The following PTPRM variants were observed in gnomAD, a reference collection of about 807,000 sequenced individuals.
PTPRM encodes protein tyrosine phosphatase receptor type M.
A neutral mutation model predicts 186.7 loss-of-function variants in PTPRM; 47 were observed. The ratio of observed to expected loss-of-function variants is 0.25; its 90% CI spans 0.20 to 0.32. PTPRM has a LOEUF of 0.32. Ranked by LOEUF, PTPRM falls within the 10% of genes least tolerant of loss-of-function variation. PTPRM has a pLI of 1.00. For missense variants in PTPRM, 1,494 were observed against 1,865.0 expected (o/e 0.80, Z 3.66); for synonymous variants, 668 against 674.9 (o/e 0.99, Z 0.16).
At chr18:8,026,857 CAA>C (rs912911483) in intron 7 of PTPRM, among the ~76,000 whole-genome samples, 1 of 137,330 alleles carries the variant, frequency 7.3e-6, no homozygotes, top group African/African-American at 2.7e-5. Flanking sequence ...AACTCCATCT[CAA>C]AAAAAAAAAA....
At chr18:7,994,917 AG>A (rs1288592199) in intron 7 of PTPRM, among the ~76,000 whole-genome samples, 1 of 152,114 alleles carries the variant, frequency 6.6e-6, no homozygotes, top group Non-Finnish European at 1.5e-5. Context: ...AACCAAGAAA[AG>A]CAAGAACAAA....
chr18:7,982,775 G>T (rs979521815), intron 7 of PTPRM, among the ~76,000 whole-genome samples: 7 of 152,204 alleles, frequency 4.6e-5, no homozygotes, highest in African/African-American at 1.7e-4. Flanking sequence ...GCGGCTGGAA[G>T]TTTTCAGCTC....
intron 4 of PTPRM, among the ~76,000 whole-genome samples, chr18:7,914,138 G>A (rs889381713): frequency 2.6e-5 from 4 of 151,958 alleles, no homozygotes; most frequent in African/African-American, 4.8e-5. Flanking sequence ...AATTGTTTTC[G>A]GAATTATGTT....
rs567592235 is a variant in PTPRM, at chr18:8,075,921, T to G, written c.1442-534T>G. ...TCTTTTCAGTATTTTATAACATAAC[T>G]TACTAAACCATTTGACTTGTTTCTC... On this transcript the variant is annotated intron_variant, in intron 8 of 32. Transcript: ENST00000580170. Among the ~76,000 whole-genome samples the G allele has an allele frequency of 5.3e-5, 8 of 152,300 alleles. No individual in the cohort carries two copies. The South Asian group carries it at 1.7e-3, about 32-fold the overall frequency.
intron 15 of PTPRM, among the ~76,000 whole-genome samples, chr18:8,246,106 G>A (rs749104459): frequency 2.0e-5 from 3 of 152,252 alleles, no homozygotes; most frequent in South Asian, 2.1e-4. Context: ...TGATAGGAGC[G>A]ACCCTAGAGG....
chr18:8,125,937 C>T (rs1245714956), intron 13 of PTPRM, among the ~76,000 whole-genome samples: 4 of 137,528 alleles, frequency 2.9e-5, no homozygotes, highest in Non-Finnish European at 6.2e-5. Flanking sequence ...ACCCAGCCAA[C>T]CCTGACATGC....
intron 2 of PTPRM, among the ~76,000 whole-genome samples, chr18:7,863,037 G>A (rs1408184235): frequency 1.3e-5 from 2 of 152,110 alleles, no homozygotes. Flanking sequence ...GTAGAGAAAA[G>A]CTGGGAATAA....
chr18:7,898,053 A>T (rs187446673), intron 3 of PTPRM, among the ~76,000 whole-genome samples: 1 of 152,342 alleles, frequency 6.6e-6, no homozygotes, highest in Admixed American at 6.5e-5. Context: ...ACATGTCAAT[A>T]CAAACACAAA....
chr18:8,022,608 T>C (rs758463129), intron 7 of PTPRM, among the ~76,000 whole-genome samples: 4 of 152,138 alleles, frequency 2.6e-5, no homozygotes, highest in Non-Finnish European at 5.9e-5. Context: ...ATCATGCATA[T>C]GGTTAGGAAG....
intron 20 of PTPRM, among the ~76,000 whole-genome samples, chr18:8,313,326 G>A (rs1327991159): frequency 6.6e-6 from 1 of 152,122 alleles, no homozygotes; most frequent in Non-Finnish European, 1.5e-5. Context: ...TATCTGTTCT[G>A]AATACTGAGT....
chr18:7,752,248 T>C (rs1173290648), intron 1 of PTPRM, among the ~76,000 whole-genome samples: 2 of 152,232 alleles, frequency 1.3e-5, no homozygotes, highest in Non-Finnish European at 2.9e-5. Context: ...TGTGTGTTTG[T>C]GTCTTCGGGA....
intron 19 of PTPRM, among the ~76,000 whole-genome samples, chr18:8,294,854 G>A (rs1163750960): frequency 6.6e-6 from 1 of 152,138 alleles, no homozygotes; most frequent in African/African-American, 2.4e-5. Flanking sequence ...TTGCTCAACT[G>A]TTTTATTGGG....
chr18:8,007,282 C>T (rs1218911356), intron 7 of PTPRM, among the ~76,000 whole-genome samples: 3 of 152,124 alleles, frequency 2.0e-5, no homozygotes, highest in Admixed American at 6.5e-5. Flanking sequence ...TACCTGCGTT[C>T]TATCTCTAAT....
At chr18:8,011,885 C>T (rs1339491902) in intron 7 of PTPRM, among the ~76,000 whole-genome samples, 1 of 152,210 alleles carries the variant, frequency 6.6e-6, no homozygotes, top group African/African-American at 2.4e-5. Flanking sequence ...TTTATTAGTA[C>T]TTACCTTAAA....
chr18:8,155,276 AT>A (rs1756042211), intron 14 of PTPRM, among the ~76,000 whole-genome samples: 1 of 152,200 alleles, frequency 6.6e-6, no homozygotes, highest in Non-Finnish European at 1.5e-5. Flanking sequence ...GATTAATTAT[AT>A]TTACGATTGT....
chr18:7,590,617 T>C (rs775220094), intron 1 of PTPRM, among the ~76,000 whole-genome samples: 3 of 152,190 alleles, frequency 2.0e-5, no homozygotes, highest in Non-Finnish European at 4.4e-5. Flanking sequence ...TCCTGGTATA[T>C]TCATGTAATA....
At chr18:7,626,041 T>G (rs2038054190) in intron 1 of PTPRM, among the ~76,000 whole-genome samples, 1 of 152,196 alleles carries the variant, frequency 6.6e-6, no homozygotes, top group Non-Finnish European at 1.5e-5. Context: ...CTTCCTACTG[T>G]GAGGCTAAAA....
At chr18:8,318,000 A>T (rs2095321462) in intron 21 of PTPRM, among the ~76,000 whole-genome samples, 1 of 152,204 alleles carries the variant, frequency 6.6e-6, no homozygotes, top group African/African-American at 2.4e-5. Context: ...CAGCAAGTCA[A>T]TTGTATAAAA....
At chr18:7,708,036 T>G (rs372616440) in intron 1 of PTPRM, among the ~76,000 whole-genome samples, 1 of 152,194 alleles carries the variant, frequency 6.6e-6, no homozygotes, top group South Asian at 2.1e-4. Context: ...CTCAAAAGTG[T>G]TTTTGATTAT....
Sources: allele counts gnomAD v4.1 joint callset (sites outside exome capture counted in the v4.1 genomes callset), GRCh38; gene constraint gnomAD v4.1.1; transcripts MANE v1.5; gene names NCBI Gene and HGNC (gene_info 2026-07-23, HGNC 2026-07-21).